The following MYH8 variants were observed in gnomAD, a reference collection of about 807,000 sequenced individuals.
MYH8 encodes the protein myosin-8.
MYH8 carries 168 observed loss-of-function variants against 233.2 expected under a neutral mutation model. The ratio of observed to expected loss-of-function variants is 0.72; its 90% CI spans 0.64 to 0.82. MYH8 has a LOEUF of 0.82. Ranked by LOEUF, MYH8 falls within the 40% of genes least tolerant of loss-of-function variation. The pLI is 0.00. For missense variants in MYH8, 1,995 were observed against 2,327.8 expected (o/e 0.86, Z 2.94); for synonymous variants, 785 against 850.6 (o/e 0.92, Z 1.34).
intron 14 of MYH8, among the ~76,000 whole-genome samples, chr17:10,411,678 T>C (rs1207928497): frequency 2.6e-5 from 4 of 152,210 alleles, no homozygotes; most frequent in Non-Finnish European, 5.9e-5. Flanking sequence ...TAAGGAAAGC[T>C]GATCTTAAGA....
Position 10,410,886 on chromosome 17 carries a change from T to C in MYH8, c.1478A>G (p.Asn493Ser). 16 of 1,614,064 alleles carry C rather than the reference T, an allele frequency of 9.9e-6. No homozygotes were observed. The highest frequency in any genetic ancestry group is 1.4e-5 in the Non-Finnish European group (16 of 1,179,972). The change falls in exon 15 of 40, where the codon AAC becomes AGC. Residue 493 changes from asparagine to serine, a missense_variant. This residue lies in a region of MYH8 where 18 missense variants were observed against 46.1 expected (regional missense o/e 0.39). Transcript: ENST00000403437. ...FTNEKLQQFF[N>S]HHMFVLEQEE... ...CTGCTCTAGCACAAACATGTGGTGG[T>C]TGAAAAACTGTTGCAGTTTCTCGTT...
chr17:10,401,631 T>A lies in MYH8; in HGVS notation c.2843A>T (p.Asp948Val), dbSNP rs772677984. The change falls in exon 23 of 40, where the codon GAT (aspartate) becomes GTT (valine). Residue 948 changes from aspartate to valine, a missense_variant. By Grantham distance (152) the Asp-to-Val change is radical (BLOSUM62 -3). Around this residue, in one of 3 missense-constraint regions of MYH8, gnomAD observed 1,498 missense variants for 1,680.9 expected, o/e 0.89. Transcript: ENST00000403437. ...GTCTTTCTTGAGTTCTGAACATTCATCCTCCAGTTTTCTCTTCTTGGCTGT... is the reference window on the plus strand; with the variant it reads ...GTCTTTCTTGAGTTCTGAACATTCAACCTCCAGTTTTCTCTTCTTGGCTGT... ...ELTAKKRKLE[D>V]ECSELKKDID... The A allele has an allele frequency of 6.2e-6, 10 of 1,614,048 alleles. No homozygotes were observed. Among genetic ancestry groups the A allele is most frequent in the East Asian group, 2.2e-5 (1 of 44,890 alleles).
intron 12 of MYH8, among the ~76,000 whole-genome samples, chr17:10,413,429 C>G (rs2072262103): frequency 6.6e-6 from 1 of 152,106 alleles, no homozygotes; most frequent in African/African-American, 2.4e-5. Context: ...CTTTTTTTAA[C>G]TCTTACTTGC....
Position 10,412,426 on chromosome 17 carries a change from G to T in MYH8, c.1360C>A (p.Gln454Lys), listed in dbSNP as rs1437555604. The T allele has an allele frequency of 6.2e-7, 1 of 1,614,252 alleles. No individual in the cohort carries two copies. The highest frequency in any genetic ancestry group is 2.2e-5 in the East Asian group (1 of 44,888). Residue 454 changes from glutamine (Q) to lysine (K), a missense_variant, in exon 14 of 40, where the codon CAG becomes AAG. Around this residue, in one of 3 missense-constraint regions of MYH8, gnomAD observed 479 missense variants for 600.9 expected, o/e 0.80. Coordinates refer to ENST00000403437, the MANE Select transcript of MYH8 (RefSeq NM_002472.3). The part of the protein sequence containing the change: ...TRINQQLDTK[Q>K]PRQYFIGVLD... ...ACCCCGATGAAGTACTGCCTGGGCT[G>T]CTTGGTGTCCAGCTGCTGGTTGATG...
chr17:10,415,335 A>T lies in MYH8; in HGVS notation c.698T>A (p.Phe233Tyr). 6.2e-7 allele frequency: 1 copy of T among 1,614,210 alleles called. No individual in the cohort carries two copies. Among genetic ancestry groups the T allele is most frequent in the Non-Finnish European group, 8.5e-7 (1 of 1,180,014 alleles). ...ATTCCTCACAGTTTTGGCATTGCCA[A>T]AGGCCTCCAGTAGGGGATTGGCGCT... Reference protein sequence around the residue: ...IISANPLLEAFGNAKTVRNDN... With the variant: ...IISANPLLEAYGNAKTVRNDN... Residue 233 changes from phenylalanine to tyrosine, a missense_variant, in exon 8 of 40, where the codon TTT becomes TAT. This residue lies in a region of MYH8 where 479 missense variants were observed against 600.9 expected (regional missense o/e 0.80). Transcript: ENST00000403437. This position sits in a 1 kb window ranked among gnomAD's most constrained non-coding sequence, Gnocchi z 4.1.
In MYH8 at chr17:10,390,459, C is replaced by T. The variant is rs770816590; in HGVS notation, c.5809G>A (p.Glu1937Lys). 6.2e-7 allele frequency: 1 copy of T among 1,613,288 alleles called. No homozygotes were observed. The change falls in exon 40 of 40, where the codon GAG (glutamate) becomes AAG (lysine). Residue 1937 changes from glutamate to lysine, a missense_variant. Coordinates refer to ENST00000403437, the MANE Select transcript of MYH8 (RefSeq NM_002472.3). ...ATAGCATCAGGCAGGTGTGTTTACTCTGCACTGATTTTTGTGTGAACCTCT... is the reference window on the plus strand; with the variant it reads ...ATAGCATCAGGCAGGTGTGTTTACTTTGCACTGATTTTTGTGTGAACCTCT... Reference protein sequence around the residue: ...SREVHTKISAE With the variant: ...SREVHTKISAK
chr17:10,415,587 A>G lies in MYH8; in HGVS notation c.540-7T>C. 1 of 1,614,156 alleles carries G rather than the reference A, an allele frequency of 6.2e-7. No homozygotes were observed. On this transcript the variant is annotated splice_region_variant and splice_polypyrimidine_tract_variant and intron_variant, in intron 6 of 39. Transcript: ENST00000403437. The surrounding 1 kb of genome is among the most constrained non-coding windows in gnomAD (Gnocchi z 4.1). The stretch of plus-strand genomic sequence containing the variant: ...TCCGGCACCAGATTCTCCGCTGTCA[A>G]ACAGAAATCAGAGAAGAGATCAGAG...
At position 10,391,838 on chromosome 17, in the gene MYH8, C is replaced by T. The variant is rs752406448; in HGVS notation, c.5664+44G>A. The T allele has an allele frequency of 2.7e-6, 4 of 1,504,188 alleles. No homozygotes were observed. The Admixed American group carries it at 5.0e-5, about 19-fold the overall frequency. 93.2% of individuals were successfully genotyped at this position (1,504,188 alleles called of 1,614,324 possible). A position where few individuals can be genotyped will look rare whatever the true frequency, so the allele number is the denominator to read the frequency against. On this transcript the variant is annotated intron_variant, in intron 39 of 39. Coordinates refer to ENST00000403437, the MANE Select transcript of MYH8 (RefSeq NM_002472.3). ...CATTCTCTTAAAACACTTTCTACTG[C>T]AAAAGAAATTTCCTTCTTTCCTCAA... is the stretch of plus-strand genomic sequence containing the variant.
At position 10,399,582 on chromosome 17, in the gene MYH8, C is replaced by A. The variant is rs2142173632; in HGVS notation, c.3823G>T (p.Asp1275Tyr). 4 of 1,614,018 alleles carry A rather than the reference C, an allele frequency of 2.5e-6. No homozygotes were observed. The highest frequency in any genetic ancestry group is 3.4e-6 in the Non-Finnish European group (4 of 1,180,042). Reference sequence around the variant, plus strand: ...AGGCGCGCTCTCTGTGCTGTGAGGTCATTGATCAGCCGCTGCTGCTCCTCT... The same window carrying A: ...AGGCGCGCTCTCTGTGCTGTGAGGTAATTGATCAGCCGCTGCTGCTCCTCT... Reference protein sequence around the residue: ...KEEEQQRLINDLTAQRARLQT... With the variant: ...KEEEQQRLINYLTAQRARLQT... The change falls in exon 28 of 40, where the codon GAC becomes TAC. Residue 1275 changes from aspartate to tyrosine, a missense_variant. Transcript: ENST00000403437.
intron 30 of MYH8, among the ~76,000 whole-genome samples, chr17:10,397,719 G>A (rs2072093048): frequency 6.6e-6 from 1 of 152,160 alleles, no homozygotes; most frequent in Non-Finnish European, 1.5e-5. Context: ...TTACTGGCCA[G>A]AAATATACTG....
rs752907731 is a variant in MYH8, at chr17:10,413,897, G to A, written c.1147+5C>T. 1.2e-6 allele frequency: 2 copies of A among 1,613,756 alleles called. No individual in the cohort carries two copies. On this transcript the variant is annotated splice_donor_5th_base_variant and intron_variant, in intron 12 of 39. Transcript: ENST00000403437. The stretch of plus-strand genomic sequence containing the variant: ...ATTAAACCCAGATAAAGTTTCATTT[G>A]GTACCTTCTGTGCCATCTGGCTCAG...
Position 10,398,802 on chromosome 17 carries a change from T to G in MYH8, c.3947A>C (p.Glu1316Ala). The change falls in exon 29 of 40, where the codon GAA (glutamate) becomes GCA (alanine). Residue 1316 changes from glutamate (E) to alanine (A), a missense_variant. Coordinates refer to ENST00000403437, the MANE Select transcript of MYH8 (RefSeq NM_002472.3). ...RSKQASTQQI[E>A]ELKHQLEEET... ...TTCCTCTAGTTGATGTTTCAGCTCT[T>G]CAATCTGCTGAGTAGATGCTTGCTT... 1.9e-6 allele frequency: 3 copies of G among 1,614,104 alleles called. No individual in the cohort carries two copies. Among genetic ancestry groups the G allele is most frequent in the East Asian group, 2.2e-5 (1 of 44,884 alleles).
At chr17:10,421,864 A>G (rs1597407200) in intron 1 of MYH8, 66 bp downstream of exon 1, 2 of 152,216 alleles carry the variant, frequency 1.3e-5, no homozygotes, top group African/African-American at 4.8e-5. Context: ...ATGCTCACAG[A>G]TAACTACGAG....
chr17:10,408,862 G>A (rs2072218783), intron 17 of MYH8, among the ~76,000 whole-genome samples: 2 of 152,200 alleles, frequency 1.3e-5, no homozygotes, highest in Non-Finnish European at 2.9e-5. Context: ...TATATAATGA[G>A]AAAGTTTCTA....
intron 24 of MYH8, 39 bp downstream of exon 24, chr17:10,401,236 T>G (rs747661884): frequency 1.9e-6 from 3 of 1,613,608 alleles, no homozygotes; most frequent in East Asian, 2.2e-5. Context: ...TATATATTTT[T>G]AAAAAAATCT....
rs770798651 is a variant in MYH8 at position 10,410,855 on chromosome 17, C to G, written c.1509G>C (p.Glu503Asp). ...TCCACTCGATGCCTTCCTTCTTGTACTCCTCCTGCTCTAGCACAAACATGT... is the reference window on the plus strand; with the variant it reads ...TCCACTCGATGCCTTCCTTCTTGTAGTCCTCCTGCTCTAGCACAAACATGT... ...NHHMFVLEQE[E>D]YKKEGIEWTF... The change falls in exon 15 of 40, where the codon GAG becomes GAC. Residue 503 changes from glutamate (E) to aspartate (D), a missense_variant. This residue lies in a region of MYH8 where 18 missense variants were observed against 46.1 expected (regional missense o/e 0.39). Coordinates refer to ENST00000403437, the MANE Select transcript of MYH8 (RefSeq NM_002472.3). 6.2e-7 allele frequency: 1 copy of G among 1,613,904 alleles called. No homozygotes were observed. Among genetic ancestry groups the G allele is most frequent in the African/African-American group, 1.3e-5 (1 of 74,890 alleles).
chr17:10,398,962 G>A lies in MYH8; in HGVS notation c.3863-76C>T. 3.9e-6 allele frequency: 3 copies of A among 776,218 alleles called. No individual in the cohort carries two copies. In the South Asian group the frequency reaches 4.1e-5, roughly 11 times the overall value. 48.1% of individuals were successfully genotyped at this position (776,218 alleles called of 1,614,324 possible). ...AAACCTTTTACATTTATATATGTGT[G>A]TGTGTATATATATATGTATATATGT... is the stretch of plus-strand genomic sequence containing the variant. On this transcript the variant is annotated intron_variant, in intron 28 of 39. Coordinates refer to ENST00000403437, the MANE Select transcript of MYH8 (RefSeq NM_002472.3).
At chr17:10,391,797 T>G (rs1161497987) in intron 39 of MYH8, 85 bp downstream of exon 39, 2 of 1,021,902 alleles carry the variant, frequency 2.0e-6, no homozygotes, top group Non-Finnish European at 3.1e-6. Context: ...TCACTTTGTC[T>G]TCTTCCTTAT....
At position 10,415,461 on chromosome 17, in the gene MYH8, A is replaced by G. The variant is rs2072281815; in HGVS notation, c.648+11T>C. On this transcript the variant is annotated intron_variant, in intron 7 of 39. Transcript: ENST00000403437. The surrounding 1 kb of genome is among the most constrained non-coding windows in gnomAD (Gnocchi z 4.1). ...CTTGACAGAGGTTTTGACTCTGGCT[A>G]TCAGACCTACCTGCATTTTGCCAGA... is the stretch of plus-strand genomic sequence containing the variant. The G allele has an allele frequency of 6.2e-7, 1 of 1,613,936 alleles. No individual in the cohort carries two copies. The highest frequency in any genetic ancestry group is 1.1e-5 in the South Asian group (1 of 91,076).
Sources: gnomAD v4.1 joint callset for allele counts (sites outside exome capture counted in the v4.1 genomes callset) on GRCh38, gnomAD v4.1.1 for gene constraint, gnomAD v4.1.1 regional missense constraint, Gnocchi (gnomAD v3.1) non-coding constraint, MANE v1.5 for transcripts, NCBI Gene and HGNC (gene_info 2026-07-23, HGNC 2026-07-21) for gene names.